SPATA6: variants seen among roughly 807,000 people sequenced by gnomAD.
SPATA6 encodes the protein spermatogenesis-associated protein 6.
Under a neutral mutation model 65.3 loss-of-function variants are expected in SPATA6, and 56 were observed. The observed-to-expected ratio is 0.86, with a 90% confidence interval of 0.69 to 1.07. SPATA6 has a LOEUF of 1.07. Among genes scored for constraint, SPATA6 ranks in the 50% least tolerant of loss-of-function variants. The probability of loss-of-function intolerance (pLI) is 0.00; values close to 1 mark genes in which losing one functional copy is unlikely to be tolerated. For missense variants in SPATA6, 590 were observed against 594.8 expected (o/e 0.99, Z 0.08); for synonymous variants, 199 against 213.2 (o/e 0.93, Z 0.58).
At chr1:48,352,794 C>T (rs1409747799) in intron 11 of SPATA6, among the ~76,000 whole-genome samples, 1 of 150,832 alleles carries the variant, frequency 6.6e-6, no homozygotes, top group Non-Finnish European at 1.5e-5. Flanking sequence ...AATAGCAAAT[C>T]TTACATGCAA....
At chr1:48,274,496 C>A in the SPATA6 span, among the ~76,000 whole-genome samples, 1 of 152,070 alleles carries the variant, frequency 6.6e-6, no homozygotes, top group Non-Finnish European at 1.5e-5. Context: ...AGTCTTTAAT[C>A]CATCTTGAGT....
chr1:48,274,147 T>A, the SPATA6 span, among the ~76,000 whole-genome samples: 1 of 152,220 alleles, frequency 6.6e-6, no homozygotes, highest in Non-Finnish European at 1.5e-5. Context: ...TGTCTTCTTT[T>A]GAGAAGTGTC....
At chr1:48,387,947 A>T (rs1649654894) in intron 8 of SPATA6, among the ~76,000 whole-genome samples, 1 of 152,182 alleles carries the variant, frequency 6.6e-6, no homozygotes, top group Non-Finnish European at 1.5e-5. Context: ...CTGGCTACCC[A>T]GAGGCTTGAG....
At chr1:48,376,399 C>T (rs1647911920) in intron 9 of SPATA6, among the ~76,000 whole-genome samples, 1 of 151,986 alleles carries the variant, frequency 6.6e-6, no homozygotes, top group Non-Finnish European at 1.5e-5. Context: ...TGTACATTTT[C>T]CTATTTCAAT....
At chr1:48,416,621 C>A (rs1234646947) in intron 3 of SPATA6, among the ~76,000 whole-genome samples, 1 of 151,736 alleles carries the variant, frequency 6.6e-6, no homozygotes, top group South Asian at 2.1e-4. Flanking sequence ...CAGTGATGTG[C>A]ATACTCCTAG....
intron 11 of SPATA6, among the ~76,000 whole-genome samples, chr1:48,338,353 A>G (rs191982069): frequency 1.3e-5 from 2 of 152,026 alleles, no homozygotes; most frequent in African/African-American, 4.8e-5. Flanking sequence ...CATTTTCACA[A>G]TGATTGTATT....
At chr1:48,446,097 T>A (rs1460735282) in intron 3 of SPATA6, among the ~76,000 whole-genome samples, 1 of 152,096 alleles carries the variant, frequency 6.6e-6, no homozygotes, top group African/African-American at 2.4e-5. Context: ...GTAAAAAGAA[T>A]TTAAAATAAT....
At chr1:48,406,467 A>G (rs756082160) in intron 5 of SPATA6, among the ~76,000 whole-genome samples, 3 of 152,250 alleles carry the variant, frequency 2.0e-5, no homozygotes, top group Non-Finnish European at 2.9e-5. Flanking sequence ...AAATTGAAAC[A>G]TAAGATTAAT....
intron 11 of SPATA6, among the ~76,000 whole-genome samples, chr1:48,328,852 T>G (rs1201653933): frequency 1.3e-5 from 2 of 152,190 alleles, no homozygotes; most frequent in African/African-American, 4.8e-5. Context: ...ATACATCTAT[T>G]TTACAGATAA....
chr1:48,273,719 C>G, the SPATA6 span, among the ~76,000 whole-genome samples: 5 of 152,278 alleles, frequency 3.3e-5, no homozygotes, highest in African/African-American at 1.2e-4. Context: ...ATATGTGCCA[C>G]ATTTTCTTTA....
At chr1:48,395,522 T>C (rs939945035) in intron 7 of SPATA6, among the ~76,000 whole-genome samples, 168 bp from the exon 8 acceptor site, 3 of 151,982 alleles carry the variant, frequency 2.0e-5, no homozygotes, top group Admixed American at 6.6e-5. Context: ...AAGTATTTTG[T>C]TGTTCGTTGC....
At chr1:48,267,241 C>T in the SPATA6 span, among the ~76,000 whole-genome samples, 93 of 152,240 alleles carry the variant, frequency 6.1e-4, no homozygotes, top group East Asian at 0.012. Context: ...ACCGACCCCA[C>T]GGCTGCATCT....
intron 1 of SPATA6, among the ~76,000 whole-genome samples, chr1:48,464,707 A>C (rs2148195824): frequency 6.6e-6 from 1 of 152,338 alleles, no homozygotes; most frequent in African/African-American, 2.4e-5. Flanking sequence ...AGATTTCAAA[A>C]CTTCAAAATA....
the SPATA6 span, among the ~76,000 whole-genome samples, chr1:48,270,278 A>G: frequency 6.6e-6 from 1 of 152,130 alleles, no homozygotes; most frequent in African/African-American, 2.4e-5. Flanking sequence ...TCCTTAGTTG[A>G]TGAGATAATC....
chr1:48,355,609 T>A, intron 11 of SPATA6, 61 bp downstream of exon 11: 1 of 1,190,052 alleles, frequency 8.4e-7, no homozygotes, highest in East Asian at 2.5e-5. Context: ...GCTTTAGGCA[T>A]CTTTGGTGGT....
chr1:48,298,914 G>A, intron 12 of SPATA6, 21 bp from the exon 13 acceptor site: 2 of 1,602,330 alleles, frequency 1.2e-6, no homozygotes, highest in Non-Finnish European at 1.7e-6. Context: ...GGATATAAAA[G>A]GTTCAAAACA....
intron 11 of SPATA6, among the ~76,000 whole-genome samples, chr1:48,341,053 T>C (rs1489538319): frequency 6.6e-6 from 1 of 152,160 alleles, no homozygotes; most frequent in Non-Finnish European, 1.5e-5. Flanking sequence ...GGAACACTAG[T>C]ATTGGGAAAA....
At chr1:48,353,050 C>T (rs1362784880) in intron 11 of SPATA6, among the ~76,000 whole-genome samples, 1 of 151,702 alleles carries the variant, frequency 6.6e-6, no homozygotes, top group Admixed American at 6.6e-5. Flanking sequence ...GAGAGTTCTT[C>T]ATGTTAGAAG....
chr1:48,411,307 G>A (rs897037051), intron 5 of SPATA6, among the ~76,000 whole-genome samples, 157 bp downstream of exon 5: 5 of 151,984 alleles, frequency 3.3e-5, no homozygotes, highest in African/African-American at 7.3e-5. Context: ...GTAACATATT[G>A]AAATCTAAAA....
Sources: gnomAD v4.1 joint callset for allele counts (sites outside exome capture counted in the v4.1 genomes callset) on GRCh38, gnomAD v4.1.1 for gene constraint, MANE v1.5 for transcripts, NCBI Gene and HGNC (gene_info 2026-07-23, HGNC 2026-07-21) for gene names.